PCDH9: variants seen among roughly 807,000 people sequenced by gnomAD.
The protein encoded by PCDH9 is protocadherin 9, also known as protocadherin-9.
A neutral mutation model predicts 70.6 loss-of-function variants in PCDH9; 24 were observed. The observed-to-expected ratio is 0.34, with a 90% CI of 0.25 to 0.48. PCDH9 has a LOEUF of 0.48. Among genes scored for constraint, PCDH9 ranks in the 20% least tolerant of loss-of-function variants. PCDH9 has a pLI of 0.99. For missense variants in PCDH9, 1,281 were observed against 1,503.6 expected (o/e 0.85, Z 2.45); for synonymous variants, 562 against 558.5 (o/e 1.01, Z -0.09).
At chr13:67,170,121 G>T (rs766564115) in intron 2 of PCDH9, among the ~76,000 whole-genome samples, 4 of 152,022 alleles carry the variant, frequency 2.6e-5, no homozygotes, top group Non-Finnish European at 5.9e-5. Context: ...TTATTCACAG[G>T]TATCAGTGCT....
intron 2 of PCDH9, among the ~76,000 whole-genome samples, chr13:67,131,357 C>T (rs1289410025): frequency 2.0e-5 from 3 of 152,060 alleles, no homozygotes; most frequent in Non-Finnish European, 4.4e-5. Flanking sequence ...GATAGTTTAC[C>T]TCTCTGTGAC....
chr13:67,002,167 T>C (rs1238169939), intron 2 of PCDH9, among the ~76,000 whole-genome samples: 4 of 152,166 alleles, frequency 2.6e-5, no homozygotes, highest in African/African-American at 9.6e-5. Context: ...ACACCATTAA[T>C]TGTTAAAATA....
chr13:67,214,973 T>TATGTATATATA (rs56334218), intron 2 of PCDH9: 1 of 126,396 alleles, frequency 7.9e-6, no homozygotes. Context: ...TATATATATA[T>TATGTATATATA]TCACTTAATC....
intron 4 of PCDH9, among the ~76,000 whole-genome samples, chr13:66,425,674 G>A (rs1012334234): frequency 6.6e-5 from 10 of 151,658 alleles, no homozygotes; most frequent in Non-Finnish European, 8.9e-5. Flanking sequence ...GTGGATAGAT[G>A]TTCAGGTCAT....
At position 66,396,611 on chromosome 13, in the gene PCDH9, A is replaced by G. The variant is rs114408010; in HGVS notation, c.3341-91583T>C. Among the ~76,000 whole-genome samples, 713 of 152,330 alleles carry G rather than the reference A, an allele frequency of 4.7e-3. 7 individuals carry two copies. The highest frequency in any genetic ancestry group is 0.016 in the African/African-American group (677 of 41,574). On this transcript the variant is annotated intron_variant, in intron 4 of 4. Coordinates refer to ENST00000377865, the MANE Select transcript of PCDH9 (RefSeq NM_203487.3). ...CAGACAGATAGATAGACAAACAACTAAATATCTGTGATTCTAGCGTCAGCT... is the reference window on the plus strand; with the variant it reads ...CAGACAGATAGATAGACAAACAACTGAATATCTGTGATTCTAGCGTCAGCT...
intron 3 of PCDH9, among the ~76,000 whole-genome samples, chr13:66,826,771 C>T (rs551494888): frequency 1.3e-5 from 2 of 152,208 alleles, no homozygotes; most frequent in South Asian, 2.1e-4. Flanking sequence ...GAGGAAGTGG[C>T]TTTGAGCAGA....
chr13:66,955,699 G>A (rs1052930916), intron 2 of PCDH9, among the ~76,000 whole-genome samples: 1 of 152,126 alleles, frequency 6.6e-6, no homozygotes, highest in African/African-American at 2.4e-5. Context: ...ACATTTGCAA[G>A]TATTCTATAA....
At chr13:66,888,627 G>C (rs1247921557) in intron 3 of PCDH9, among the ~76,000 whole-genome samples, 1 of 152,044 alleles carries the variant, frequency 6.6e-6, no homozygotes, top group Non-Finnish European at 1.5e-5. Context: ...TTTTTGAAGA[G>C]AAAGATGGGC....
intron 2 of PCDH9, among the ~76,000 whole-genome samples, chr13:67,195,932 T>TAAA (rs1011249723): frequency 6.6e-6 from 1 of 152,190 alleles, no homozygotes; most frequent in Non-Finnish European, 1.5e-5. Context: ...ATATGTTTAC[T>TAAA]AAACATTATG....
intron 2 of PCDH9, among the ~76,000 whole-genome samples, chr13:66,973,671 C>G (rs561307777): frequency 6.6e-6 from 1 of 152,074 alleles, no homozygotes; most frequent in African/African-American, 2.4e-5. Flanking sequence ...TGATACAAAC[C>G]TTGGGTGAAA....
At chr13:66,566,736 G>A (rs1234217485) in intron 4 of PCDH9, among the ~76,000 whole-genome samples, 1 of 66,478 alleles carries the variant, frequency 1.5e-5, no homozygotes, top group Non-Finnish European at 3.0e-5. Flanking sequence ...TAGAAACCAA[G>A]GGCCCGTCTT....
chr13:66,826,597 G>A (rs2080827821), intron 3 of PCDH9, among the ~76,000 whole-genome samples: 1 of 152,160 alleles, frequency 6.6e-6, no homozygotes, highest in African/African-American at 2.4e-5. Flanking sequence ...TCCAGGAAAT[G>A]ATTCAATGAA....
At chr13:66,653,473 C>T (rs575204961) in intron 3 of PCDH9, among the ~76,000 whole-genome samples, 1 of 151,762 alleles carries the variant, frequency 6.6e-6, no homozygotes, top group South Asian at 2.1e-4. Flanking sequence ...ATCATCTCAC[C>T]CCAGTTAAAA....
At chr13:66,403,319 A>AT (rs929982243) in intron 4 of PCDH9, among the ~76,000 whole-genome samples, 17 of 149,166 alleles carry the variant, frequency 1.1e-4, no homozygotes, top group African/African-American at 2.0e-4. Flanking sequence ...TGTTTTTTGT[A>AT]TTTTTTTTGT....
intron 4 of PCDH9, 66 bp from the exon 5 acceptor site, chr13:66,305,094 TAGAGAA>T: frequency 7.2e-7 from 1 of 1,390,994 alleles, no homozygotes. Context: ...AGAATTATCT[TAGAGAA>T]AAAGTATGTT....
At chr13:66,958,670 T>C (rs2139719423) in intron 2 of PCDH9, among the ~76,000 whole-genome samples, 1 of 152,316 alleles carries the variant, frequency 6.6e-6, no homozygotes, top group African/African-American at 2.4e-5. Flanking sequence ...TTTAAGTTTT[T>C]GTTCTTTTAT....
intron 2 of PCDH9, among the ~76,000 whole-genome samples, chr13:66,970,364 C>A (rs184868227): frequency 1.3e-5 from 2 of 151,836 alleles, no homozygotes; most frequent in Non-Finnish European, 2.9e-5. Flanking sequence ...CATGGTGACT[C>A]AGGCTGGTAA....
intron 3 of PCDH9, among the ~76,000 whole-genome samples, chr13:66,894,767 C>T (rs1290255569): frequency 1.3e-5 from 2 of 152,008 alleles, no homozygotes; most frequent in African/African-American, 4.8e-5. Context: ...TTTGTAAAAC[C>T]TCTAATATAT....
chr13:67,140,909 C>T (rs564624535), intron 2 of PCDH9, among the ~76,000 whole-genome samples: 29 of 152,228 alleles, frequency 1.9e-4, no homozygotes, highest in Admixed American at 5.2e-4. Flanking sequence ...ATTCTTTCCT[C>T]GGTCAGTTTT....
Sources: allele counts gnomAD v4.1 joint callset (sites outside exome capture counted in the v4.1 genomes callset), GRCh38; gene constraint gnomAD v4.1.1; transcripts MANE v1.5; gene names NCBI Gene and HGNC (gene_info 2026-07-23, HGNC 2026-07-21).